The following FHOD1 variants were observed in gnomAD, a reference collection of about 807,000 sequenced individuals.
The protein encoded by FHOD1 is FH1/FH2 domain-containing protein 1.
In FHOD1, 89 loss-of-function variants were observed where a neutral mutation model predicts 111.6. That is an observed-to-expected ratio of 0.80 (90% CI 0.67 to 0.95). FHOD1 has a LOEUF of 0.95. Among genes scored for constraint, FHOD1 ranks in the 40% least tolerant of loss-of-function variants. The pLI is 0.00. For missense variants in FHOD1, 1,446 were observed against 1,554.2 expected, an observed-to-expected ratio of 0.93 and a Z score of 1.17; for synonymous variants, 618 against 639.0, an observed-to-expected ratio of 0.97 and a Z score of 0.50.
chr16:67,238,275 A>C lies in FHOD1; in HGVS notation c.474T>G (p.His158Gln). The C allele has an allele frequency of 6.2e-7, 1 of 1,614,162 alleles. No homozygotes were observed. The highest frequency in any genetic ancestry group is 8.5e-7 in the Non-Finnish European group (1 of 1,180,016). Residue 158 changes from histidine (H) to glutamine (Q), a missense_variant, in exon 5 of 22, where the codon CAT (histidine) becomes CAG (glutamine). His to Gln is a conservative substitution (Grantham distance 24, BLOSUM62 0). Coordinates refer to ENST00000258201, the MANE Select transcript of FHOD1 (RefSeq NM_013241.3). This position sits in a 1 kb window ranked among gnomAD's most constrained non-coding sequence, Gnocchi z 4.2. ...GGATCAGGCAGCTCAGCCCCTCTGAATGCACAAATTCAGGCACCAGGTCTT... is the reference window on the plus strand; with the variant it reads ...GGATCAGGCAGCTCAGCCCCTCTGACTGCACAAATTCAGGCACCAGGTCTT... ...EDKDLVPEFV[H>Q]SEGLSCLIRV...
At chr16:67,230,021 A>G (rs1178246003) in intron 20 of FHOD1, 31 bp from the exon 21 acceptor site, 1 of 1,613,098 alleles carries the variant, frequency 6.2e-7, no homozygotes, top group South Asian at 1.1e-5. Context: ...AAGTCAGGCC[A>G]AGGTGGCACT....
In FHOD1 at chr16:67,231,505, C is replaced by G. The variant is rs755559629; in HGVS notation, c.2430G>C (p.Gln810His). 1 of 1,614,184 alleles carries G rather than the reference C, an allele frequency of 6.2e-7. No individual in the cohort carries two copies. Among genetic ancestry groups the G allele is most frequent in the Non-Finnish European group, 8.5e-7 (1 of 1,180,030 alleles). Reference protein sequence around the residue: ...PLFDLKVGMEQLVQNATFRCI... With the variant: ...PLFDLKVGMEHLVQNATFRCI... The stretch of plus-strand genomic sequence containing the variant: ...AGCGGAAGGTGGCATTCTGTACCAG[C>G]TGTTCCATACCCACTTTCAGGTCAA... The change falls in exon 16 of 22, where the codon CAG becomes CAC. Residue 810 changes from glutamine to histidine, a missense_variant. Physicochemically the swap from Gln to His is conservative, Grantham distance 24 (BLOSUM62 0). Transcript: ENST00000258201. This position sits in a 1 kb window ranked among gnomAD's most constrained non-coding sequence, Gnocchi z 4.3.
chr16:67,233,248 G>A (rs1419403373), intron 13 of FHOD1, among the ~76,000 whole-genome samples: 1 of 151,806 alleles, frequency 6.6e-6, no homozygotes, highest in African/African-American at 2.4e-5. Flanking sequence ...CACCACGCTT[G>A]GCTAATTTTG....
In FHOD1 at chr16:67,230,318, G is replaced by C. The variant is rs559455218; in HGVS notation, c.3047C>G (p.Thr1016Ser). Residue 1016 changes from threonine (T) to serine (S), a missense_variant, in exon 19 of 22, where the codon ACC (threonine) becomes AGC (serine). Transcript: ENST00000258201. ...ERNKTRGRMI[T>S]ETEKFSGVAG... ...AAGACCTGGAAGGGCACCCACCTCG[G>C]TGATCATGCGTCCCCGGGTCTTGTT... The C allele has an allele frequency of 6.2e-7, 1 of 1,614,216 alleles. No homozygotes were observed. Among genetic ancestry groups the C allele is most frequent in the Non-Finnish European group, 8.5e-7 (1 of 1,180,008 alleles).
rs191136413 is a variant in FHOD1, at chr16:67,238,645, A to G, written c.374-198T>C. 12 of 670,418 alleles carry G rather than the reference A, an allele frequency of 1.8e-5. No homozygotes were observed. Among genetic ancestry groups the G allele is most frequent in the Non-Finnish European group, 3.2e-5 (12 of 380,878 alleles). 41.5% of individuals were successfully genotyped at this position (670,418 alleles called of 1,614,324 possible). On this transcript the variant is annotated intron_variant, in intron 3 of 21. Coordinates refer to ENST00000258201, the MANE Select transcript of FHOD1 (RefSeq NM_013241.3). This position sits in a 1 kb window ranked among gnomAD's most constrained non-coding sequence, Gnocchi z 4.2. Reference sequence around the variant, plus strand: ...TAGCTCACTGCAACCTCAAACTCCTAGCCTCAAGCAATTCTCCCACCTTGA... The same window carrying G: ...TAGCTCACTGCAACCTCAAACTCCTGGCCTCAAGCAATTCTCCCACCTTGA...
Position 67,239,149 on chromosome 16 carries a change from T to C in FHOD1, c.309-182A>G, listed in dbSNP as rs140541598. The stretch of plus-strand genomic sequence containing the variant: ...TTGGTGCAAACACATGTATCTCAGG[T>C]ATGTGGGAGAGCCCCTAACTCCCAC... On this transcript the variant is annotated intron_variant, in intron 2 of 21. Transcript: ENST00000258201. Among the ~76,000 whole-genome samples, 244 of 152,236 alleles carry C rather than the reference T, an allele frequency of 1.6e-3. 2 individuals are homozygous for C. The highest frequency in any genetic ancestry group is 5.6e-3 in the African/African-American group (233 of 41,536).
intron 11 of FHOD1, among the ~76,000 whole-genome samples, chr16:67,235,642 A>G (rs988834908): frequency 2.0e-4 from 31 of 151,440 alleles, no homozygotes; most frequent in African/African-American, 7.3e-4. Flanking sequence ...AGCCTCTGTC[A>G]GCTCTCAGTC....
chr16:67,234,627 CA>C (rs1245105625), intron 11 of FHOD1, 155 bp from the exon 12 acceptor site: 1 of 614,282 alleles, frequency 1.6e-6, no homozygotes, highest in Non-Finnish European at 2.9e-6. Context: ...ACACCCCCCC[CA>C]AGGCCAGCCC....
Position 67,237,325 on chromosome 16 carries a change from G to A in FHOD1, c.907C>T (p.Gln303Ter), listed in dbSNP as rs776939350. The change falls in exon 9 of 22, where the codon CAG becomes TAG. Residue 303 changes from glutamine (Q) to a stop codon, truncating the protein, a stop_gained. Coordinates refer to ENST00000258201, the MANE Select transcript of FHOD1 (RefSeq NM_013241.3). LOFTEE classifies it high-confidence loss of function. The surrounding 1 kb of genome is among the most constrained non-coding windows in gnomAD (Gnocchi z 5.6). ...TGGACCAGCGCTTCCATGCCCTGCT[G>A]CTCCAGTGCATCCGTCACATCGTAG... is the stretch of plus-strand genomic sequence containing the variant. ...SFYDVTDALE[Q>*]QGMEALVQRH... The A allele has an allele frequency of 6.2e-7, 1 of 1,613,990 alleles. No homozygotes were observed. The highest frequency in any genetic ancestry group is 8.5e-7 in the Non-Finnish European group (1 of 1,180,026).
At position 67,234,052 on chromosome 16, in the gene FHOD1, C is replaced by G; in HGVS notation, c.1651G>C (p.Glu551Gln). 6.2e-7 allele frequency: 1 copy of G among 1,613,618 alleles called. No homozygotes were observed. The highest frequency in any genetic ancestry group is 8.5e-7 in the Non-Finnish European group (1 of 1,179,820). ...IGDLDFSDLGEDEDQDMLNVE... is the reference protein window; with the variant it reads ...IGDLDFSDLGQDEDQDMLNVE... The stretch of plus-strand genomic sequence containing the variant: ...TTCAGCATGTCCTGGTCTTCATCCT[C>G]CCCTAGATCTGAAAAGTCCAGGTCC... The change falls in exon 13 of 22, where the codon GAG (glutamate) becomes CAG (glutamine). Residue 551 changes from glutamate (E) to glutamine (Q), a missense_variant. This residue lies in a region of FHOD1 where 1,085 missense variants were observed against 1,108.8 expected (regional missense o/e 0.98). Transcript: ENST00000258201.
rs924870207 is a variant in FHOD1 at position 67,234,149 on chromosome 16, T to C, written c.1554A>G (p.Pro518=). The part of the protein sequence containing the change: ...QRSLAPEPKE[P]LIPASPKAEP... ...CAGCCTTGGGGCTTGCTGGTATCAG[T>C]GGCTCCTTGGGCTCTGGTGCAAGGC... The change falls in exon 13 of 22, where the codon CCA becomes CCG. Residue 518 remains proline, a synonymous_variant. Transcript: ENST00000258201. 1.5e-5 allele frequency: 23 copies of C among 1,563,298 alleles called. No individual in the cohort carries two copies. The African/African-American group carries it at 3.0e-4, about 20-fold the overall frequency.
intron 1 of FHOD1, among the ~76,000 whole-genome samples, chr16:67,241,515 G>A (rs1316899314): frequency 6.6e-6 from 1 of 152,160 alleles, no homozygotes; most frequent in African/African-American, 2.4e-5. Context: ...GGATCCCCTC[G>A]AATCACACAC....
Position 67,236,969 on chromosome 16 carries a change from G to C in FHOD1, c.1139C>G (p.Pro380Arg). The C allele has an allele frequency of 6.3e-7, 1 of 1,585,062 alleles. No individual in the cohort carries two copies. The highest frequency in any genetic ancestry group is 8.6e-7 in the Non-Finnish European group (1 of 1,167,178). Residue 380 changes from proline to arginine, a missense_variant, in exon 10 of 22, where the codon CCT becomes CGT. Physicochemically the swap from Pro to Arg is moderately radical, Grantham distance 103. Around this residue, in one of 3 missense-constraint regions of FHOD1, gnomAD observed 1,085 missense variants for 1,108.8 expected, o/e 0.98. Coordinates refer to ENST00000258201, the MANE Select transcript of FHOD1 (RefSeq NM_013241.3). Reference sequence around the variant, plus strand: ...ATCTACAGATGCTCGTACTTACCCAGGTTCCGGGGCACGCGCGGGGCAGCC... The same window carrying C: ...ATCTACAGATGCTCGTACTTACCCACGTTCCGGGGCACGCGCGGGGCAGCC... ...GGGCPARAPE[P>R]GPTGPASPVG...
chr16:67,243,210 A>T (rs2034715568), intron 1 of FHOD1, among the ~76,000 whole-genome samples: 1 of 151,962 alleles, frequency 6.6e-6, no homozygotes, highest in African/African-American at 2.4e-5. Context: ...CCTTTCCTAT[A>T]AACACAGGAC....
chr16:67,235,268 G>A (rs1040205464), intron 11 of FHOD1, among the ~76,000 whole-genome samples: 6 of 152,146 alleles, frequency 3.9e-5, no homozygotes, highest in African/African-American at 1.4e-4. Flanking sequence ...GGTGGCTCAC[G>A]CTTGTAATCC....
At chr16:67,241,326 A>G (rs1043607400) in intron 1 of FHOD1, among the ~76,000 whole-genome samples, 1 of 152,072 alleles carries the variant, frequency 6.6e-6, no homozygotes, top group Admixed American at 6.5e-5. Flanking sequence ...GGGCTGGGGT[A>G]TCTTGTCCAG....
In FHOD1 at chr16:67,238,512, C is replaced by T. The variant is rs1322869296; in HGVS notation, c.374-65G>A. The stretch of plus-strand genomic sequence containing the variant: ...CTCACTGTCTTCCTCTGCTTGGATA[C>T]AACCACAACTCTCCACCAAAGAATA... On this transcript the variant is annotated intron_variant, in intron 3 of 21. Transcript: ENST00000258201. The surrounding 1 kb of genome is among the most constrained non-coding windows in gnomAD (Gnocchi z 4.2). 3 of 1,409,500 alleles carry T rather than the reference C, an allele frequency of 2.1e-6. No individual in the cohort carries two copies. The highest frequency in any genetic ancestry group is 3.0e-6 in the Non-Finnish European group (3 of 1,007,126). The allele number at this position is 1,409,500 out of a possible 1,614,324, so 87.3% of individuals were successfully genotyped here. A position where few individuals can be genotyped will look rare whatever the true frequency, so the allele number is the denominator to read the frequency against.
Position 67,229,848 on chromosome 16 carries a change from A to C in FHOD1, c.3357T>G (p.Ser1119Arg), listed in dbSNP as rs1283776200. 28 of 1,614,068 alleles carry C rather than the reference A, an allele frequency of 1.7e-5. No individual in the cohort carries two copies. The highest frequency in any genetic ancestry group is 2.4e-5 in the Non-Finnish European group (28 of 1,180,030). The change falls in exon 21 of 22, where the codon AGT becomes AGG. Residue 1119 changes from serine to arginine, a missense_variant. Physicochemically the swap from Ser to Arg is moderately radical, Grantham distance 110. Transcript: ENST00000258201. ...DLLVQSVTKS[S>R]PRALAARERK... The stretch of plus-strand genomic sequence containing the variant: ...GTTCCCTAGCAGCTAAGGCACGAGG[A>C]CTGCTCTTGGTCACTGACTGCACCA...
At chr16:67,234,772 G>GTTT in intron 11 of FHOD1, 4 of 311,338 alleles carry the variant, frequency 1.3e-5, no homozygotes, top group East Asian at 6.1e-5. Context: ...TTTTTGGTTG[G>GTTT]TTTTTTTTTT....
Sources: gnomAD v4.1 joint callset for allele counts (sites outside exome capture counted in the v4.1 genomes callset) on GRCh38, gnomAD v4.1.1 for gene constraint, gnomAD v4.1.1 regional missense constraint, Gnocchi (gnomAD v3.1) non-coding constraint, MANE v1.5 for transcripts, NCBI Gene and HGNC (gene_info 2026-07-23, HGNC 2026-07-21) for gene names.